The following RAB10 variants were observed in gnomAD, a reference collection of about 807,000 sequenced individuals.
The protein encoded by RAB10 is ras-related protein Rab-10.
Under a neutral mutation model 25.7 loss-of-function variants are expected in RAB10, and 5 were observed. The ratio of observed to expected loss-of-function variants is 0.19; its 90% CI spans 0.10 to 0.41. RAB10 has a LOEUF of 0.41. Ranked by LOEUF, RAB10 falls within the 10% of genes least tolerant of loss-of-function variation. The probability of loss-of-function intolerance (pLI) is 1.00; values close to 1 mark genes in which losing one functional copy is unlikely to be tolerated. For missense variants in RAB10, 103 were observed against 245.8 expected (o/e 0.42, Z 3.89); for synonymous variants, 89 against 86.4 (o/e 1.03, Z -0.16).
intron 1 of RAB10, among the ~76,000 whole-genome samples, chr2:26,055,371 T>C (rs959974564): frequency 2.6e-5 from 4 of 151,908 alleles, no homozygotes; most frequent in Non-Finnish European, 5.9e-5. Context: ...ATTACAGGCA[T>C]GCGACACCAC....
chr2:26,048,188 T>A (rs1666057202), intron 1 of RAB10, among the ~76,000 whole-genome samples: 1 of 152,194 alleles, frequency 6.6e-6, no homozygotes, highest in South Asian at 2.1e-4. Context: ...GTACAGGTTG[T>A]GTGATCATAA....
chr2:26,105,335 T>G (rs1667445163), intron 2 of RAB10, among the ~76,000 whole-genome samples: 1 of 152,048 alleles, frequency 6.6e-6, no homozygotes, highest in Non-Finnish European at 1.5e-5. Context: ...CAAAGAGTCA[T>G]GAGAATAAAG....
In RAB10 at chr2:26,135,241, G is replaced by T; in HGVS notation, c.*220G>T. The T allele has an allele frequency of 2.1e-6, 1 of 467,756 alleles. No homozygotes were observed. Among genetic ancestry groups the T allele is most frequent in the Non-Finnish European group, 3.8e-6 (1 of 264,018 alleles). The allele number at this position is 467,756 out of a possible 1,614,324, so 29.0% of individuals were successfully genotyped here. A position where few individuals can be genotyped will look rare whatever the true frequency, so the allele number is the denominator to read the frequency against. ...ATGTATAGAAAAATCATGTCTGTGA[G>T]TTCATTTTTAAATGTACTTGCTCAG... On this transcript the variant is annotated 3_prime_UTR_variant, in exon 6 of 6. Coordinates refer to ENST00000264710, the MANE Select transcript of RAB10 (RefSeq NM_016131.5).
chr2:26,102,370 C>G (rs1053049447), intron 2 of RAB10, among the ~76,000 whole-genome samples: 5 of 150,308 alleles, frequency 3.3e-5, no homozygotes, highest in Non-Finnish European at 5.9e-5. Flanking sequence ...TTTTCCAGGG[C>G]AGATCTATAT....
At chr2:26,098,109 C>CTTTTTTTTTT (rs57174956) in intron 1 of RAB10, among the ~76,000 whole-genome samples, 10 of 52,722 alleles carry the variant, frequency 1.9e-4, no homozygotes, top group African/African-American at 7.7e-4. Context: ...TTCTTTCTTT[C>CTTTTTTTTTT]TTTTTTTTTT....
At chr2:26,044,213 C>T (rs936740025) in intron 1 of RAB10, among the ~76,000 whole-genome samples, 3 of 152,132 alleles carry the variant, frequency 2.0e-5, no homozygotes, top group African/African-American at 7.2e-5. Flanking sequence ...CAACAAAACC[C>T]AAAAAACTAA....
At chr2:26,076,528 T>C (rs1666739438) in intron 1 of RAB10, among the ~76,000 whole-genome samples, 1 of 152,160 alleles carries the variant, frequency 6.6e-6, no homozygotes, top group African/African-American at 2.4e-5. Flanking sequence ...CACCTTATTT[T>C]GGAAGGTGCC....
intron 1 of RAB10, among the ~76,000 whole-genome samples, chr2:26,078,035 G>A (rs1195919923): frequency 6.6e-6 from 1 of 152,096 alleles, no homozygotes; most frequent in African/African-American, 2.4e-5. Context: ...AAAATCAGCT[G>A]TACACTAGCA....
At chr2:26,040,594 G>T in intron 1 of RAB10, among the ~76,000 whole-genome samples, 1 of 152,078 alleles carries the variant, frequency 6.6e-6, no homozygotes. Flanking sequence ...GGAGTTCAAA[G>T]GTGCAGTGAG....
chr2:26,087,186 A>G (rs572206290), intron 1 of RAB10, among the ~76,000 whole-genome samples: 47 of 152,324 alleles, frequency 3.1e-4, no homozygotes, highest in African/African-American at 1.1e-3. Context: ...CATGCATGGT[A>G]TGAATCAGAC....
At chr2:26,085,339 A>T (rs1286711724) in intron 1 of RAB10, among the ~76,000 whole-genome samples, 1 of 151,856 alleles carries the variant, frequency 6.6e-6, no homozygotes, top group Non-Finnish European at 1.5e-5. Context: ...AAATAAAAAA[A>T]ATTAGCTGGG....
chr2:26,051,420 T>G (rs1666130702), intron 1 of RAB10, among the ~76,000 whole-genome samples: 1 of 131,088 alleles, frequency 7.6e-6, no homozygotes, highest in African/African-American at 2.8e-5. Flanking sequence ...CTCAAATGAT[T>G]GTTGATTTCA....
intron 3 of RAB10, among the ~76,000 whole-genome samples, chr2:26,115,437 G>T (rs1201591589): frequency 6.6e-6 from 1 of 152,144 alleles, no homozygotes; most frequent in Non-Finnish European, 1.5e-5. Context: ...CTGATACTTG[G>T]TACAGTGTGG....
intron 3 of RAB10, among the ~76,000 whole-genome samples, chr2:26,112,368 T>C (rs551609565): frequency 1.3e-5 from 2 of 152,248 alleles, no homozygotes; most frequent in African/African-American, 4.8e-5. Context: ...ATTCTGAAGC[T>C]AGATAGGAGC....
intron 2 of RAB10, among the ~76,000 whole-genome samples, chr2:26,106,529 C>A (rs536504228): frequency 3.0e-4 from 46 of 152,254 alleles, no homozygotes; most frequent in African/African-American, 8.4e-4. Context: ...GGTGCTTGAG[C>A]AATAGGACAT....
At chr2:26,085,169 C>T (rs114856055) in intron 1 of RAB10, among the ~76,000 whole-genome samples, 1 of 152,068 alleles carries the variant, frequency 6.6e-6, no homozygotes, top group Non-Finnish European at 1.5e-5. Flanking sequence ...TCAAAATGAA[C>T]TCTTGTGCAT....
At chr2:26,052,207 C>T (rs914915934) in intron 1 of RAB10, among the ~76,000 whole-genome samples, 27 of 151,834 alleles carry the variant, frequency 1.8e-4, no homozygotes, top group Admixed American at 1.6e-3. Flanking sequence ...GGGAGACCCC[C>T]GTCTCTACAA....
intron 1 of RAB10, among the ~76,000 whole-genome samples, chr2:26,069,256 C>T (rs1666576273): frequency 6.6e-6 from 1 of 152,138 alleles, no homozygotes; most frequent in Non-Finnish European, 1.5e-5. Flanking sequence ...ATGTTTCCCA[C>T]TAGTAAAAGA....
At chr2:26,035,295 G>C (rs1665742182) in intron 1 of RAB10, among the ~76,000 whole-genome samples, 1 of 152,128 alleles carries the variant, frequency 6.6e-6, no homozygotes, top group Non-Finnish European at 1.5e-5. Flanking sequence ...CGCTTGGGGT[G>C]GGACTCTGGC....
Sources: allele counts gnomAD v4.1 joint callset (sites outside exome capture counted in the v4.1 genomes callset), GRCh38; gene constraint gnomAD v4.1.1; transcripts MANE v1.5; gene names NCBI Gene and HGNC (gene_info 2026-07-23, HGNC 2026-07-21).